The following DAB1 variants were observed in gnomAD, a reference collection of about 807,000 sequenced individuals.
DAB1 encodes the protein disabled homolog 1.
Under a neutral mutation model 64.6 loss-of-function variants are expected in DAB1, and 15 were observed. The ratio of observed to expected loss-of-function variants is 0.23; its 90% CI spans 0.16 to 0.36. DAB1 has a LOEUF of 0.36. Among genes scored for constraint, DAB1 ranks in the 10% least tolerant of loss-of-function variants. The pLI is 1.00. For missense variants in DAB1, 596 were observed against 706.7 expected, an observed-to-expected ratio of 0.84 and a Z score of 1.78; for synonymous variants, 235 against 251.9, an observed-to-expected ratio of 0.93 and a Z score of 0.64.
intron 3 of DAB1, among the ~76,000 whole-genome samples, chr1:58,464,794 C>CA (rs977540903): frequency 2.0e-5 from 3 of 152,174 alleles, no homozygotes; most frequent in African/African-American, 7.2e-5. Context: ...GGGTGATGGG[C>CA]AAGGCTAACC....
intron 7 of DAB1, among the ~76,000 whole-genome samples, chr1:57,569,033 C>T (rs1387211737): frequency 1.9e-4 from 29 of 151,064 alleles, no homozygotes; most frequent in East Asian, 1.8e-3. Flanking sequence ...CCGAGGCGGG[C>T]GGATCACGAG....
intron 7 of DAB1, among the ~76,000 whole-genome samples, chr1:57,541,354 C>A (rs1214804243): frequency 1.3e-5 from 2 of 152,116 alleles, no homozygotes; most frequent in African/African-American, 4.8e-5. Context: ...TGGTCTCGAT[C>A]CCCTGACCTT....
intron 11 of DAB1, among the ~76,000 whole-genome samples, chr1:57,017,505 A>G (rs1032312296): frequency 6.6e-6 from 1 of 152,182 alleles, no homozygotes; most frequent in Non-Finnish European, 1.5e-5. Context: ...TCTGACTGAT[A>G]CAGGCTAGAG....
At chr1:57,912,821 C>A (rs1327109685) in intron 5 of DAB1, among the ~76,000 whole-genome samples, 1 of 152,188 alleles carries the variant, frequency 6.6e-6, no homozygotes, top group Non-Finnish European at 1.5e-5. Context: ...AGAGCCAACT[C>A]ATGAGTGAAC....
intron 5 of DAB1, among the ~76,000 whole-genome samples, chr1:58,130,965 T>G (rs1351448070): frequency 2.1e-5 from 3 of 145,574 alleles, no homozygotes; most frequent in African/African-American, 7.7e-5. Context: ...GGAGTATCTT[T>G]GTGGCGTTCT....
chr1:57,807,677 T>C (rs550811511), intron 6 of DAB1, among the ~76,000 whole-genome samples: 2 of 152,248 alleles, frequency 1.3e-5, no homozygotes, highest in Admixed American at 6.5e-5. Flanking sequence ...CTACAATTTA[T>C]ATTAAAAATT....
At chr1:57,651,713 C>T (rs1430063368) in intron 6 of DAB1, among the ~76,000 whole-genome samples, 1 of 152,118 alleles carries the variant, frequency 6.6e-6, no homozygotes, top group East Asian at 1.9e-4. Context: ...GCTTAAAGTT[C>T]ATGTCTTTTT....
chr1:57,110,825 C>T (rs147143473), intron 4 of DAB1, among the ~76,000 whole-genome samples: 1 of 152,208 alleles, frequency 6.6e-6, no homozygotes, highest in Non-Finnish European at 1.5e-5. Context: ...TATGCCCACT[C>T]GCAGATGACA....
intron 5 of DAB1, among the ~76,000 whole-genome samples, chr1:57,893,304 C>A (rs1644345170): frequency 6.6e-6 from 1 of 152,130 alleles, no homozygotes; most frequent in South Asian, 2.1e-4. Context: ...ACAACCCAGT[C>A]AGAGGCTGGC....
intron 6 of DAB1, among the ~76,000 whole-genome samples, chr1:57,695,369 A>AAAGGAAAG (rs1646822529): frequency 2.1e-5 from 1 of 48,656 alleles, no homozygotes; most frequent in African/African-American, 1.2e-4. Flanking sequence ...AAGAAGAAAG[A>AAAGGAAAG]AAGAAAGAAA....
chr1:57,115,386 A>G (rs187373968), intron 4 of DAB1, among the ~76,000 whole-genome samples: 10 of 152,304 alleles, frequency 6.6e-5, no homozygotes, highest in Admixed American at 4.6e-4. Flanking sequence ...CCTCAGTAAG[A>G]AGTGGGCATT....
intron 5 of DAB1, among the ~76,000 whole-genome samples, chr1:58,064,776 C>T (rs544706424): frequency 1.3e-5 from 2 of 152,176 alleles, no homozygotes; most frequent in South Asian, 4.2e-4. Context: ...GGCTGGAGTG[C>T]AGTGGCGTGA....
rs190715640 is a variant in DAB1, at chr1:57,396,524, T to C, written c.-137+27406A>G. Among the ~76,000 whole-genome samples, 280 of 152,344 alleles carry C rather than the reference T, an allele frequency of 1.8e-3. 1 individual carries two copies. Among genetic ancestry groups the C allele is most frequent in the Admixed American group, 0.011 (171 of 15,300 alleles). ...GCTGACGGCAAAAGTAAATTGTGGA[T>C]TGTTCTTTGACTTTACGAGTTTAGC... On this transcript the variant is annotated intron_variant, in intron 1 of 14. Transcript: ENST00000371236.
At chr1:58,019,545 C>A (rs556523299) in intron 5 of DAB1, among the ~76,000 whole-genome samples, 16 of 152,222 alleles carry the variant, frequency 1.1e-4, no homozygotes, top group African/African-American at 3.6e-4. Flanking sequence ...AGAGATGTTT[C>A]TTATGTTATC....
chr1:57,457,033 G>T (rs1686620491), intron 7 of DAB1, among the ~76,000 whole-genome samples: 1 of 152,150 alleles, frequency 6.6e-6, no homozygotes, highest in South Asian at 2.1e-4. Flanking sequence ...GCAATGTGAT[G>T]AATTCTGCGA....
chr1:57,548,418 A>T (rs1047853646), intron 7 of DAB1, among the ~76,000 whole-genome samples: 3 of 152,076 alleles, frequency 2.0e-5, no homozygotes, highest in Admixed American at 1.3e-4. Context: ...ACTGCTCTTT[A>T]TTCACCTTTT....
chr1:58,075,393 C>T (rs1006806885), intron 5 of DAB1, among the ~76,000 whole-genome samples: 2 of 152,168 alleles, frequency 1.3e-5, no homozygotes, highest in Non-Finnish European at 2.9e-5. Flanking sequence ...ATCTGTGTCA[C>T]TTCCAAGTGG....
At chr1:58,416,074 A>G (rs1644717146) in intron 3 of DAB1, among the ~76,000 whole-genome samples, 1 of 152,182 alleles carries the variant, frequency 6.6e-6, no homozygotes, top group South Asian at 2.1e-4. Flanking sequence ...AGAACGCTAA[A>G]GTAACAAAGA....
chr1:58,178,495 T>C (rs765214555), intron 4 of DAB1, among the ~76,000 whole-genome samples: 3 of 152,146 alleles, frequency 2.0e-5, no homozygotes, highest in Non-Finnish European at 2.9e-5. Context: ...AAGGGCCTTT[T>C]AAATAGAAAA....
Sources: gnomAD v4.1 joint callset for allele counts (sites outside exome capture counted in the v4.1 genomes callset) on GRCh38, gnomAD v4.1.1 for gene constraint, MANE v1.5 for transcripts, NCBI Gene and HGNC (gene_info 2026-07-23, HGNC 2026-07-21) for gene names.